LDB2: variants seen among roughly 807,000 people sequenced by gnomAD.
The protein encoded by LDB2 is LIM domain binding 2.
In LDB2, 12 loss-of-function variants were observed where a neutral mutation model predicts 44.3. The ratio of observed to expected loss-of-function variants is 0.27; its 90% CI spans 0.17 to 0.44. The LOEUF is 0.44. Among genes scored for constraint, LDB2 ranks in the 20% least tolerant of loss-of-function variants. The pLI is 1.00. For missense variants in LDB2, 344 were observed against 473.5 expected, an observed-to-expected ratio of 0.73 and a Z score of 2.54; for synonymous variants, 164 against 174.8, an observed-to-expected ratio of 0.94 and a Z score of 0.49.
At chr4:16,613,690 A>T (rs1434198015) in intron 2 of LDB2, among the ~76,000 whole-genome samples, 1 of 152,166 alleles carries the variant, frequency 6.6e-6, no homozygotes, top group Non-Finnish European at 1.5e-5. Flanking sequence ...AGAAAAAAAT[A>T]CCTAGGAATA....
intron 5 of LDB2, among the ~76,000 whole-genome samples, chr4:16,551,509 A>G (rs1348744735): frequency 1.3e-5 from 2 of 151,796 alleles, no homozygotes; most frequent in Non-Finnish European, 2.9e-5. Flanking sequence ...ATTTATTTTT[A>G]TTTTTATTTT....
At chr4:16,571,451 G>T (rs573641169) in intron 5 of LDB2, among the ~76,000 whole-genome samples, 1 of 129,652 alleles carries the variant, frequency 7.7e-6, no homozygotes, top group Admixed American at 7.3e-5. Context: ...TGGGCAATTC[G>T]GCAAAAAAAA....
At chr4:16,897,937 T>TATATATATAC (rs1201085796) in intron 1 of LDB2, among the ~76,000 whole-genome samples, 1 of 19,050 alleles carries the variant, frequency 5.2e-5, no homozygotes, top group African/African-American at 3.8e-4. Context: ...TATATATATA[T>TATATATATAC]ACACATATGT....
At chr4:16,634,296 CA>C (rs35227929) in intron 2 of LDB2, among the ~76,000 whole-genome samples, 52,719 of 104,862 alleles carry the variant, frequency 0.5, 11,697 homozygotes, top group African/African-American at 0.68. Flanking sequence ...TTTGCACGGC[CA>C]AAAAAAAAAA....
At chr4:16,529,974 C>A (rs980768010) in intron 5 of LDB2, among the ~76,000 whole-genome samples, 2 of 152,192 alleles carry the variant, frequency 1.3e-5, no homozygotes, top group Admixed American at 1.3e-4. Flanking sequence ...TTGGAAATGG[C>A]TGGTCTAATT....
At chr4:16,895,611 G>A (rs1254858818) in intron 1 of LDB2, among the ~76,000 whole-genome samples, 1 of 151,988 alleles carries the variant, frequency 6.6e-6, no homozygotes, top group Non-Finnish European at 1.5e-5. Flanking sequence ...TATAGGAGTG[G>A]GACCAGAAGA....
At chr4:16,810,908 T>A (rs1234089279) in intron 1 of LDB2, among the ~76,000 whole-genome samples, 1 of 152,084 alleles carries the variant, frequency 6.6e-6, no homozygotes, top group Non-Finnish European at 1.5e-5. Flanking sequence ...TCCCCAACAT[T>A]TTTGGCACCA....
intron 1 of LDB2, among the ~76,000 whole-genome samples, chr4:16,884,898 A>T (rs910284430): frequency 6.6e-6 from 1 of 151,874 alleles, no homozygotes; most frequent in Non-Finnish European, 1.5e-5. Context: ...GTACAGATGG[A>T]TAAATTATCC....
chr4:16,719,053 A>G (rs896456172), intron 2 of LDB2, among the ~76,000 whole-genome samples: 12 of 150,966 alleles, frequency 7.9e-5, no homozygotes, highest in African/African-American at 2.9e-4. Context: ...ACAACCTGTA[A>G]CATGAAAAGT....
chr4:16,513,634 A>G (rs1358881903), intron 5 of LDB2, among the ~76,000 whole-genome samples: 1 of 152,222 alleles, frequency 6.6e-6, no homozygotes, highest in Non-Finnish European at 1.5e-5. Flanking sequence ...TTAAAAATTC[A>G]GATTTCAGGG....
chr4:16,773,282 G>A (rs1771115926), intron 1 of LDB2, among the ~76,000 whole-genome samples: 1 of 152,076 alleles, frequency 6.6e-6, no homozygotes, highest in Non-Finnish European at 1.5e-5. Context: ...TCTGGGGGAC[G>A]GTTTCAGGAT....
At position 16,508,526 on chromosome 4, in the gene LDB2, G is replaced by A. The variant is rs746299848; in HGVS notation, c.891+9C>T. On this transcript the variant is annotated intron_variant, in intron 7 of 7. Coordinates refer to ENST00000304523, the MANE Select transcript of LDB2 (RefSeq NM_001290.5). ...AGGATTTCGGGCCTAAGAGGAAAGC[G>A]AGACTTACAGGTACCTGACTGGACA... 25 of 1,548,860 alleles carry A rather than the reference G, an allele frequency of 1.6e-5. No homozygotes were observed. The highest frequency in any genetic ancestry group is 4.8e-5 in the East Asian group (2 of 41,848).
chr4:16,760,793 G>A (rs1211608835), intron 1 of LDB2, among the ~76,000 whole-genome samples: 1 of 152,186 alleles, frequency 6.6e-6, no homozygotes, highest in Non-Finnish European at 1.5e-5. Flanking sequence ...AAAAAACTCA[G>A]TGGGCTTGGA....
chr4:16,659,657 G>A (rs1740921296), intron 2 of LDB2, among the ~76,000 whole-genome samples: 2 of 100,060 alleles, frequency 2.0e-5, no homozygotes, highest in Admixed American at 1.9e-4. Flanking sequence ...ACACATATGA[G>A]TATATCTATG....
At chr4:16,860,870 T>C (rs1712302403) in intron 1 of LDB2, among the ~76,000 whole-genome samples, 1 of 152,180 alleles carries the variant, frequency 6.6e-6, no homozygotes, top group South Asian at 2.1e-4. Context: ...GGTCCAAATC[T>C]GCTTAGTGAA....
intron 5 of LDB2, among the ~76,000 whole-genome samples, chr4:16,576,326 A>AG (rs886970987): frequency 6.6e-5 from 10 of 152,148 alleles, no homozygotes; most frequent in African/African-American, 2.4e-4. Flanking sequence ...TAAACAAATT[A>AG]GAAAAACCTT....
intron 1 of LDB2, among the ~76,000 whole-genome samples, chr4:16,841,865 C>T (rs1335291769): frequency 6.6e-6 from 1 of 152,186 alleles, no homozygotes; most frequent in Non-Finnish European, 1.5e-5. Context: ...ACATTTTAAA[C>T]AGACCACTTT....
intron 5 of LDB2, among the ~76,000 whole-genome samples, chr4:16,551,363 G>C (rs1435755502): frequency 6.6e-6 from 1 of 152,144 alleles, no homozygotes; most frequent in South Asian, 2.1e-4. Flanking sequence ...TGTGGAAACT[G>C]CATGTAAGCT....
rs538728823 is a variant in LDB2, at chr4:16,869,021, G to T, written c.132+29333C>A. Reference sequence around the variant, plus strand: ...GGTGATGATGATGCTGGTAGATGATGTTGATGATGATGAATGGTGCTACCA... The same window carrying T: ...GGTGATGATGATGCTGGTAGATGATTTTGATGATGATGAATGGTGCTACCA... On this transcript the variant is annotated intron_variant, in intron 1 of 7. Transcript: ENST00000304523. Among the ~76,000 whole-genome samples, 296 of 152,214 alleles carry T rather than the reference G, an allele frequency of 1.9e-3. 2 individuals carry two copies. The highest frequency in any genetic ancestry group is 0.01 in the Middle Eastern group (3 of 294).
Sources: gnomAD v4.1 joint callset for allele counts (sites outside exome capture counted in the v4.1 genomes callset) on GRCh38, gnomAD v4.1.1 for gene constraint, MANE v1.5 for transcripts, NCBI Gene and HGNC (gene_info 2026-07-23, HGNC 2026-07-21) for gene names.